GPHN: variants seen among roughly 807,000 people sequenced by gnomAD.
GPHN encodes gephyrin.
A neutral mutation model predicts 95.5 loss-of-function variants in GPHN; 17 were observed. The observed-to-expected ratio is 0.18, with a 90% CI of 0.12 to 0.27. The LOEUF (loss-of-function observed/expected upper bound fraction) is 0.27, where lower values mean the gene tolerates loss of function less well. Ranked by LOEUF, GPHN falls within the 10% of genes least tolerant of loss-of-function variation. The probability of loss-of-function intolerance (pLI) is 1.00; values close to 1 mark genes in which losing one functional copy is unlikely to be tolerated. For synonymous variants in GPHN, 320 were observed against 322.5 expected, an observed-to-expected ratio of 0.99 and a Z score of 0.08; for missense variants, 660 against 978.1, an observed-to-expected ratio of 0.67 and a Z score of 4.34.
chr14:66,509,992 C>T (rs908083782), intron 1 of GPHN, among the ~76,000 whole-genome samples: 2 of 152,076 alleles, frequency 1.3e-5, no homozygotes, highest in African/African-American at 4.8e-5. Context: ...TTCCGTATAT[C>T]GATGGTGATT....
At chr14:67,169,724 T>A (rs536974037) in intron 21 of GPHN, among the ~76,000 whole-genome samples, 1 of 152,348 alleles carries the variant, frequency 6.6e-6, no homozygotes, top group Non-Finnish European at 1.5e-5. Context: ...TGTTCCGAAG[T>A]AAATTCAAAT....
chr14:66,619,044 C>T (rs1016970773), intron 1 of GPHN, among the ~76,000 whole-genome samples: 9 of 152,050 alleles, frequency 5.9e-5, no homozygotes, highest in African/African-American at 2.2e-4. Context: ...TTTCTGGCTT[C>T]CTTCACTCAG....
At chr14:66,832,139 C>T (rs1487581467) in intron 4 of GPHN, among the ~76,000 whole-genome samples, 4 of 151,816 alleles carry the variant, frequency 2.6e-5, no homozygotes, top group Admixed American at 1.3e-4. Context: ...AGAGTGAGAC[C>T]CTGTTTTAAA....
chr14:66,756,052 A>G (rs191393760), intron 2 of GPHN, among the ~76,000 whole-genome samples: 7 of 152,262 alleles, frequency 4.6e-5, no homozygotes, highest in African/African-American at 1.7e-4. Flanking sequence ...TGTCTATCTT[A>G]TTCTCTCCTT....
chr14:66,984,510 C>T (rs747744782), intron 9 of GPHN, among the ~76,000 whole-genome samples: 1 of 152,142 alleles, frequency 6.6e-6, no homozygotes, highest in East Asian at 1.9e-4. Context: ...TCTTATATAG[C>T]AATATGCTTT....
chr14:66,851,796 C>G (rs2062595284), intron 4 of GPHN, among the ~76,000 whole-genome samples: 1 of 151,998 alleles, frequency 6.6e-6, no homozygotes, highest in Non-Finnish European at 1.5e-5. Flanking sequence ...ATGAGACTTG[C>G]ATTTTAGAAA....
chr14:66,799,974 G>T (rs934337013), intron 3 of GPHN, among the ~76,000 whole-genome samples: 6 of 151,234 alleles, frequency 4.0e-5, no homozygotes, highest in African/African-American at 1.5e-4. Flanking sequence ...TATGTTTTTT[G>T]GTTTGATATT....
intron 1 of GPHN, among the ~76,000 whole-genome samples, chr14:66,582,612 C>T (rs1934304739): frequency 6.6e-6 from 1 of 151,780 alleles, no homozygotes; most frequent in Non-Finnish European, 1.5e-5. Context: ...TCAATTCCCA[C>T]CTATGAGTGA....
chr14:67,469,435 C>G, the GPHN span, among the ~76,000 whole-genome samples: 76 of 146,746 alleles, frequency 5.2e-4, no homozygotes, highest in African/African-American at 1.7e-3. Context: ...TGCCACCATG[C>G]CTGGCTTTTT....
intron 9 of GPHN, among the ~76,000 whole-genome samples, chr14:67,006,981 C>G (rs8012944): frequency 0.26 from 39,036 of 152,034 alleles, 10,182 homozygotes; most frequent in African/African-American, 0.64. Flanking sequence ...ACTTAATTCC[C>G]TCATATCCAT....
At chr14:67,242,243 G>T in the GPHN span, among the ~76,000 whole-genome samples, 1 of 152,144 alleles carries the variant, frequency 6.6e-6, no homozygotes, top group African/African-American at 2.4e-5. Flanking sequence ...CGGAATGTAG[G>T]TTTCGGTCAA....
the GPHN span, chr14:67,651,493 A>AGCAAAGTGGGGAGTAGTCAGAAGT: frequency 5.0e-6 from 8 of 1,613,050 alleles, no homozygotes; most frequent in Admixed American, 1.7e-5. Flanking sequence ...TACAAAGAGA[A>AGCAAAGTGGGGAGTAGTCAGAAGT]GCAAAGTGGG....
At chr14:66,997,338 G>T (rs1555460067) in intron 9 of GPHN, among the ~76,000 whole-genome samples, 1 of 146,060 alleles carries the variant, frequency 6.8e-6, no homozygotes, top group Non-Finnish European at 1.5e-5. Flanking sequence ...TTGCACTCTA[G>T]CCTGGGCGAT....
chr14:67,392,560 G>GC, the GPHN span: 1 of 1,258,622 alleles, frequency 7.9e-7, no homozygotes, highest in East Asian at 2.3e-5. Context: ...CGTCCCCCAA[G>GC]CCCAAGGTCT....
At chr14:67,511,554 T>C in the GPHN span, among the ~76,000 whole-genome samples, 2 of 152,088 alleles carry the variant, frequency 1.3e-5, no homozygotes, top group South Asian at 4.1e-4. Context: ...GAGTAAAGGA[T>C]GGTGAAAAGC....
At chr14:67,700,653 T>C in the GPHN span, among the ~76,000 whole-genome samples, 1 of 148,570 alleles carries the variant, frequency 6.7e-6, no homozygotes, top group Admixed American at 6.8e-5. Flanking sequence ...AGGCGGAGCT[T>C]GCAGTGAGCC....
intron 3 of GPHN, among the ~76,000 whole-genome samples, chr14:66,810,657 T>C (rs1566969390): frequency 1.3e-5 from 2 of 152,294 alleles, no homozygotes; most frequent in Middle Eastern, 3.4e-3. Context: ...TTTGGCCGAG[T>C]ACCTTTGCTT....
chr14:67,572,028 G>C, the GPHN span: 2 of 1,481,992 alleles, frequency 1.3e-6, no homozygotes, highest in African/African-American at 2.8e-5. Flanking sequence ...TCCACCCCCA[G>C]CCCCAGAGAC....
the GPHN span, among the ~76,000 whole-genome samples, chr14:67,416,733 C>CA: frequency 4.6e-5 from 7 of 152,228 alleles, no homozygotes; most frequent in African/African-American, 1.7e-4. Flanking sequence ...CCTGGGGCCT[C>CA]ATATGTCAGT....
Sources: gnomAD v4.1 joint callset for allele counts (sites outside exome capture counted in the v4.1 genomes callset) on GRCh38, gnomAD v4.1.1 for gene constraint, MANE v1.5 for transcripts, NCBI Gene and HGNC (gene_info 2026-07-23, HGNC 2026-07-21) for gene names.